The following IGF2BP2 variants were observed in gnomAD, a reference collection of about 807,000 sequenced individuals.
IGF2BP2 encodes the protein insulin-like growth factor 2 mRNA-binding protein 2.
IGF2BP2 carries 17 observed loss-of-function variants against 75.8 expected under a neutral mutation model. The observed-to-expected ratio is 0.22, with a 90% CI of 0.15 to 0.34. The LOEUF (loss-of-function observed/expected upper bound fraction) is 0.34. IGF2BP2 is among the 10% of genes least tolerant of loss of function. The probability of loss-of-function intolerance (pLI) is 1.00; values close to 1 mark genes in which losing one functional copy is unlikely to be tolerated. For synonymous variants in IGF2BP2, 288 were observed against 295.6 expected, an observed-to-expected ratio of 0.97 and a Z score of 0.26; for missense variants, 516 against 772.4, an observed-to-expected ratio of 0.67 and a Z score of 3.93.
intron 4 of IGF2BP2, among the ~76,000 whole-genome samples, chr3:185,695,637 G>A (rs1722483213): frequency 6.6e-6 from 1 of 152,160 alleles, no homozygotes; most frequent in Non-Finnish European, 1.5e-5. Flanking sequence ...ATCAGCTTTA[G>A]GTACCACTGT....
intron 2 of IGF2BP2, among the ~76,000 whole-genome samples, chr3:185,796,516 G>A (rs1051745711): frequency 1.5e-5 from 2 of 132,110 alleles, no homozygotes; most frequent in African/African-American, 5.7e-5. Flanking sequence ...AGTGAGCAGA[G>A]ATCACACCAC....
At chr3:185,696,502 T>G in intron 4 of IGF2BP2, 110 bp downstream of exon 4, 1 of 882,872 alleles carries the variant, frequency 1.1e-6, no homozygotes, top group Non-Finnish European at 1.9e-6. Flanking sequence ...TCTAGGAAGC[T>G]TATTTCAAAG....
Position 185,816,039 on chromosome 3 carries a change from G to T in IGF2BP2, c.239+7114C>A, listed in dbSNP as rs572187065. On this transcript the variant is annotated intron_variant, in intron 2 of 15. Transcript: ENST00000382199. ...TACCACCTCTGGGAAAGACCTGGCA[G>T]TTCCTACCAGGGAAACACGTAAACC... Among the ~76,000 whole-genome samples, 4 of 152,292 alleles carry T rather than the reference G, an allele frequency of 2.6e-5. No homozygotes were observed. In the East Asian group the frequency reaches 7.7e-4, roughly 29 times the overall value.
intron 2 of IGF2BP2, among the ~76,000 whole-genome samples, chr3:185,813,061 C>T (rs1012947890): frequency 1.4e-4 from 21 of 152,268 alleles, no homozygotes; most frequent in South Asian, 4.1e-4. Flanking sequence ...GCAACACTCT[C>T]GTGATGTAGA....
At chr3:185,799,434 A>G (rs1737882688) in intron 2 of IGF2BP2, among the ~76,000 whole-genome samples, 1 of 151,900 alleles carries the variant, frequency 6.6e-6, no homozygotes, top group African/African-American at 2.4e-5. Context: ...ATCTCACGCC[A>G]GTTAGAATGG....
At chr3:185,660,924 T>C (rs1716331619) in intron 10 of IGF2BP2, among the ~76,000 whole-genome samples, 1 of 152,214 alleles carries the variant, frequency 6.6e-6, no homozygotes, top group South Asian at 2.1e-4. Context: ...ACAAAACTCA[T>C]GTGAGGCCGG....
intron 2 of IGF2BP2, among the ~76,000 whole-genome samples, chr3:185,786,508 T>G (rs1735908508): frequency 6.6e-6 from 1 of 152,090 alleles, no homozygotes; most frequent in African/African-American, 2.4e-5. Context: ...TTCTCCTGGC[T>G]CAGAAGCTCC....
At chr3:185,815,778 A>G (rs898643791) in intron 2 of IGF2BP2, among the ~76,000 whole-genome samples, 1 of 152,268 alleles carries the variant, frequency 6.6e-6, no homozygotes, top group Admixed American at 6.5e-5. Flanking sequence ...CCAGCACCAT[A>G]AACAGTCCAT....
chr3:185,669,065 A>T (rs1166701154), intron 10 of IGF2BP2, among the ~76,000 whole-genome samples: 1 of 152,194 alleles, frequency 6.6e-6, no homozygotes, highest in Admixed American at 6.5e-5. Context: ...CATATAATTT[A>T]AAAAAGCATA....
intron 2 of IGF2BP2, among the ~76,000 whole-genome samples, chr3:185,703,280 T>C (rs1723561524): frequency 6.6e-6 from 1 of 152,224 alleles, no homozygotes; most frequent in African/African-American, 2.4e-5. Flanking sequence ...ATCTGTTATA[T>C]TTATAATACG....
Position 185,643,483 on chromosome 3 carries a change from G to A in IGF2BP2, c.*2048C>T, listed in dbSNP as rs1365756526. ...TCACCCCCAGGATTTCTGATTCAAG[G>A]TGGACCCCAAGAATCTACATTTCTA... On this transcript the variant is annotated 3_prime_UTR_variant, in exon 16 of 16. Coordinates refer to ENST00000382199, the MANE Select transcript of IGF2BP2 (RefSeq NM_006548.6). Among the ~76,000 whole-genome samples the A allele has an allele frequency of 6.6e-6, 1 of 152,190 alleles. No individual in the cohort carries two copies. Among genetic ancestry groups the A allele is most frequent in the African/African-American group, 2.4e-5 (1 of 41,436 alleles).
intron 6 of IGF2BP2, 54 bp downstream of exon 6, chr3:185,689,301 C>G (rs1721581673): frequency 6.3e-7 from 1 of 1,577,688 alleles, no homozygotes; most frequent in Admixed American, 1.8e-5. Context: ...TGAGACCCAC[C>G]AGCACGCAGG....
chr3:185,654,619 TACTTGTGC>T (rs760051364), intron 12 of IGF2BP2, among the ~76,000 whole-genome samples: 18 of 152,246 alleles, frequency 1.2e-4, no homozygotes, highest in Non-Finnish European at 2.2e-4. Flanking sequence ...GTCGGAGGGC[TACTTGTGC>T]ACTTGTGCAG....
chr3:185,650,370 T>A (rs1714389112), intron 13 of IGF2BP2, among the ~76,000 whole-genome samples: 2 of 151,828 alleles, frequency 1.3e-5, no homozygotes, highest in African/African-American at 4.8e-5. Context: ...AATCTGAGAG[T>A]CACCGTTTTA....
intron 2 of IGF2BP2, among the ~76,000 whole-genome samples, chr3:185,708,583 C>T (rs768155571): frequency 2.0e-5 from 3 of 152,022 alleles, no homozygotes; most frequent in Non-Finnish European, 2.9e-5. Flanking sequence ...GCTCCCCTGG[C>T]GCACGGCGGG....
chr3:185,651,400 G>C (rs1577806747), intron 13 of IGF2BP2, among the ~76,000 whole-genome samples: 1 of 151,738 alleles, frequency 6.6e-6, no homozygotes, highest in Non-Finnish European at 1.5e-5. Flanking sequence ...TAGAGATGAG[G>C]TCTTGCTCTA....
chr3:185,797,668 C>A (rs1737610657), intron 2 of IGF2BP2, among the ~76,000 whole-genome samples: 1 of 152,050 alleles, frequency 6.6e-6, no homozygotes, highest in African/African-American at 2.4e-5. Flanking sequence ...CTGTGGGAGG[C>A]CAATGCAGGC....
At chr3:185,694,846 G>A (rs973061874) in intron 4 of IGF2BP2, among the ~76,000 whole-genome samples, 1 of 152,320 alleles carries the variant, frequency 6.6e-6, no homozygotes, top group Non-Finnish European at 1.5e-5. Flanking sequence ...CAGCACTCTG[G>A]GAGGCCAAGG....
chr3:185,755,103 T>G (rs2149660192), intron 2 of IGF2BP2, among the ~76,000 whole-genome samples: 1 of 152,244 alleles, frequency 6.6e-6, no homozygotes, highest in East Asian at 1.9e-4. Flanking sequence ...CAAAGCCATT[T>G]CAGAAATCTT....
Sources: allele counts gnomAD v4.1 joint callset (sites outside exome capture counted in the v4.1 genomes callset), GRCh38; gene constraint gnomAD v4.1.1; transcripts MANE v1.5; gene names NCBI Gene and HGNC (gene_info 2026-07-23, HGNC 2026-07-21).